Variants in IFTAP observed in about 807,000 individuals in gnomAD.
The protein encoded by IFTAP is intraflagellar transport-associated protein.
In IFTAP, 19 loss-of-function variants were observed where a neutral mutation model predicts 19.4. That is an observed-to-expected ratio of 0.98 (90% CI 0.68 to 1.44). IFTAP has a LOEUF of 1.44. Among genes scored for constraint, IFTAP ranks in the 40% most tolerant of loss-of-function variants. IFTAP has a pLI of 0.00. For missense variants in IFTAP, 240 were observed against 253.6 expected, an observed-to-expected ratio of 0.95 and a Z score of 0.36; for synonymous variants, 85 against 83.5, an observed-to-expected ratio of 1.02 and a Z score of -0.10.
intron 2 of IFTAP, among the ~76,000 whole-genome samples, chr11:36,628,018 T>C (rs982405655): frequency 3.3e-5 from 5 of 150,802 alleles, no homozygotes; most frequent in African/African-American, 9.9e-5. Context: ...TCTTTTTTTT[T>C]TTTTCTAAAT....
At chr11:36,653,419 C>A in intron 5 of IFTAP, among the ~76,000 whole-genome samples, 1 of 152,108 alleles carries the variant, frequency 6.6e-6, no homozygotes, top group Admixed American at 6.6e-5. Context: ...AAGTTAATAA[C>A]TTAATTCATG....
intron 1 of IFTAP, among the ~76,000 whole-genome samples, chr11:36,605,623 CT>C (rs1356583324): frequency 1.3e-5 from 2 of 152,190 alleles, no homozygotes; most frequent in Non-Finnish European, 2.9e-5. Context: ...CTCTCAGTGA[CT>C]TGGCAAAAAG....
chr11:36,647,583 A>G (rs1406500673), intron 4 of IFTAP, among the ~76,000 whole-genome samples: 2 of 152,160 alleles, frequency 1.3e-5, no homozygotes, highest in African/African-American at 2.4e-5. Context: ...TTTTTAACAT[A>G]TATTTTTGAA....
At chr11:36,608,558 C>T (rs1851772618) in intron 1 of IFTAP, among the ~76,000 whole-genome samples, 1 of 152,174 alleles carries the variant, frequency 6.6e-6, no homozygotes, top group African/African-American at 2.4e-5. Flanking sequence ...TGGAGTTTAA[C>T]AAGGTGAAAT....
chr11:36,623,865 G>A (rs945943136), intron 2 of IFTAP, among the ~76,000 whole-genome samples: 2 of 152,082 alleles, frequency 1.3e-5, no homozygotes, highest in African/African-American at 2.4e-5. Flanking sequence ...ACTTACGCAA[G>A]AGTAGAATTT....
chr11:36,641,937 G>A (rs1285431170), intron 4 of IFTAP, among the ~76,000 whole-genome samples: 1 of 152,102 alleles, frequency 6.6e-6, no homozygotes, highest in Non-Finnish European at 1.5e-5. Flanking sequence ...CTAAGGACTT[G>A]CTTTATGAAT....
chr11:36,595,662 A>G (rs778434278), intron 1 of IFTAP, among the ~76,000 whole-genome samples: 16 of 152,116 alleles, frequency 1.1e-4, no homozygotes, highest in Non-Finnish European at 2.1e-4. Flanking sequence ...AAACTGAGAT[A>G]ATAATTTTAC....
chr11:36,632,833 C>G (rs1345985439), intron 2 of IFTAP, among the ~76,000 whole-genome samples: 1 of 151,114 alleles, frequency 6.6e-6, no homozygotes, highest in East Asian at 1.9e-4. Flanking sequence ...TAGATAGCCA[C>G]TGAAAAAACT....
At chr11:36,639,366 T>G (rs1410199241) in intron 4 of IFTAP, among the ~76,000 whole-genome samples, 3 of 152,156 alleles carry the variant, frequency 2.0e-5, no homozygotes, top group Non-Finnish European at 2.9e-5. Flanking sequence ...GGGCACTGAT[T>G]CCTGCTCAAA....
At chr11:36,614,715 T>C (rs1455340619) in intron 2 of IFTAP, among the ~76,000 whole-genome samples, 6 of 148,718 alleles carry the variant, frequency 4.0e-5, no homozygotes, top group Admixed American at 3.3e-4. Context: ...CATAAATGTC[T>C]TCTTTTGAGA....
chr11:36,634,668 A>G (rs564282231), intron 3 of IFTAP, among the ~76,000 whole-genome samples: 1 of 152,168 alleles, frequency 6.6e-6, no homozygotes, highest in African/African-American at 2.4e-5. Flanking sequence ...TTTCAAGGTG[A>G]TCTGAATTGG....
At chr11:36,596,211 G>GTTTTTTTTTTTTTT (rs1243664769) in intron 1 of IFTAP, among the ~76,000 whole-genome samples, 4 of 101,154 alleles carry the variant, frequency 4.0e-5, no homozygotes, top group African/African-American at 1.6e-4. Context: ...AGATGGTAGT[G>GTTTTTTTTTTTTTT]TTTTTTTTTT....
intron 2 of IFTAP, among the ~76,000 whole-genome samples, chr11:36,616,566 G>A (rs1294883129): frequency 2.6e-5 from 4 of 151,810 alleles, no homozygotes; most frequent in Non-Finnish European, 5.9e-5. Flanking sequence ...CCAAACTCTC[G>A]GAGTTTCAAC....
chr11:36,633,871 G>A (rs558669041), intron 3 of IFTAP, among the ~76,000 whole-genome samples: 25 of 152,078 alleles, frequency 1.6e-4, no homozygotes, highest in African/African-American at 7.2e-5. Flanking sequence ...TGTTAGATAC[G>A]CTTTTTCTAA....
intron 3 of IFTAP, among the ~76,000 whole-genome samples, chr11:36,633,898 G>A (rs748942297): frequency 6.6e-5 from 10 of 152,014 alleles, no homozygotes; most frequent in Admixed American, 3.9e-4. Flanking sequence ...AGACTTTATA[G>A]ACTCTTCACA....
intron 2 of IFTAP, among the ~76,000 whole-genome samples, chr11:36,617,041 AC>A (rs1458127621): frequency 6.6e-6 from 1 of 151,612 alleles, no homozygotes; most frequent in Non-Finnish European, 1.5e-5. Context: ...TAAGCATAAA[AC>A]ATACACTGGA....
intron 1 of IFTAP, among the ~76,000 whole-genome samples, chr11:36,602,369 G>C (rs1420638084): frequency 6.6e-6 from 1 of 152,148 alleles, no homozygotes; most frequent in African/African-American, 2.4e-5. Flanking sequence ...GCATTGTGCA[G>C]GTGGCTAACA....
chr11:36,628,437 A>G (rs1341339045), intron 2 of IFTAP, among the ~76,000 whole-genome samples: 1 of 151,172 alleles, frequency 6.6e-6, no homozygotes, highest in African/African-American at 2.5e-5. Flanking sequence ...CAAACCAATT[A>G]TGATTTTACC....
At chr11:36,604,694 T>G (rs937989105) in intron 1 of IFTAP, among the ~76,000 whole-genome samples, 2 of 152,104 alleles carry the variant, frequency 1.3e-5, no homozygotes, top group Non-Finnish European at 2.9e-5. Context: ...TCAGATACAC[T>G]TTAAAGTTCA....
Sources: allele counts gnomAD v4.1 joint callset (sites outside exome capture counted in the v4.1 genomes callset), GRCh38; gene constraint gnomAD v4.1.1; transcripts MANE v1.5; gene names NCBI Gene and HGNC (gene_info 2026-07-23, HGNC 2026-07-21).